PARD3: variants seen among roughly 807,000 people sequenced by gnomAD.
PARD3 encodes the protein partitioning defective 3 homolog.
A neutral mutation model predicts 155.4 loss-of-function variants in PARD3; 75 were observed. The ratio of observed to expected loss-of-function variants is 0.48; its 90% CI spans 0.40 to 0.58. The LOEUF (loss-of-function observed/expected upper bound fraction) is 0.58. PARD3 is among the 20% of genes least tolerant of loss of function. The pLI, the probability that PARD3 is intolerant of heterozygous loss-of-function variation, is 0.00. For missense variants in PARD3, 1,642 were observed against 1,721.7 expected, an observed-to-expected ratio of 0.95 and a Z score of 0.82; for synonymous variants, 576 against 610.5, an observed-to-expected ratio of 0.94 and a Z score of 0.83.
intron 1 of PARD3, among the ~76,000 whole-genome samples, chr10:34,715,329 C>T (rs2094504250): frequency 6.6e-6 from 1 of 152,108 alleles, no homozygotes; most frequent in Admixed American, 6.5e-5. Context: ...CCTCCTGCCT[C>T]GGATTCCCAA....
chr10:34,720,448 C>CCA (rs2094587192), intron 1 of PARD3, among the ~76,000 whole-genome samples: 2 of 56,872 alleles, frequency 3.5e-5, no homozygotes, highest in Non-Finnish European at 6.1e-5. Context: ...AAGGCTCTGT[C>CCA]AAAAAAAAAA....
intron 1 of PARD3, among the ~76,000 whole-genome samples, chr10:34,749,508 G>A (rs1256604086): frequency 2.0e-5 from 3 of 151,398 alleles, no homozygotes; most frequent in Admixed American, 1.3e-4. Flanking sequence ...ATTATAACCA[G>A]TTTAAAAAAC....
chr10:34,337,173 C>T, intron 17 of PARD3, 102 bp downstream of exon 17: 1 of 696,300 alleles, frequency 1.4e-6, no homozygotes, highest in Non-Finnish European at 2.1e-6. Context: ...CATTTATTTT[C>T]TCTATTGCTC....
intron 2 of PARD3, among the ~76,000 whole-genome samples, chr10:34,678,893 T>C (rs749599620): frequency 6.6e-6 from 1 of 151,930 alleles, no homozygotes; most frequent in Non-Finnish European, 1.5e-5. Context: ...GTGGCTCTCT[T>C]GAGGTTCAAT....
At chr10:34,132,558 G>A (rs1026088568) in intron 22 of PARD3, among the ~76,000 whole-genome samples, 16 of 152,190 alleles carry the variant, frequency 1.1e-4, no homozygotes, top group East Asian at 3.9e-4. Context: ...GAGTATTTTC[G>A]CCAAGAGTAA....
intron 22 of PARD3, among the ~76,000 whole-genome samples, chr10:34,176,306 C>T (rs139227591): frequency 0.017 from 2,522 of 152,084 alleles, 35 homozygotes; most frequent in Non-Finnish European, 0.025. Flanking sequence ...CAAGAGGATG[C>T]AAAAGGAGAG....
chr10:34,637,667 C>G (rs1340569682), intron 2 of PARD3, among the ~76,000 whole-genome samples: 1 of 152,228 alleles, frequency 6.6e-6, no homozygotes, highest in Non-Finnish European at 1.5e-5. Context: ...CGCTGCCCCC[C>G]AGTGGGCACT....
intron 22 of PARD3, among the ~76,000 whole-genome samples, chr10:34,177,966 T>C (rs1206803770): frequency 3.3e-5 from 5 of 152,252 alleles, no homozygotes; most frequent in African/African-American, 1.2e-4. Flanking sequence ...TTACTATCAC[T>C]GGTCCAGAGA....
rs1413177696 is a variant in PARD3 at position 34,116,800 on chromosome 10, T to C, written c.3668+2813A>G. Among the ~76,000 whole-genome samples the C allele has an allele frequency of 3.3e-5, 5 of 152,324 alleles. No homozygotes were observed. The East Asian group carries it at 9.6e-4, about 29-fold the overall frequency. ...GCTACAATTAACCCAGAGGGAAAGC[T>C]GTAGTTATTTAGGGCACCACTAAAT... On this transcript the variant is annotated intron_variant, in intron 24 of 24. Coordinates refer to ENST00000374788, the MANE Select transcript of PARD3 (RefSeq NM_001184785.2).
At chr10:34,405,589 GTGGT>G (rs1844379821) in intron 5 of PARD3, among the ~76,000 whole-genome samples, 1 of 152,166 alleles carries the variant, frequency 6.6e-6, no homozygotes, top group Non-Finnish European at 1.5e-5. Flanking sequence ...TTGTGGGGTG[GTGGT>G]TGAAGACATT....
chr10:34,438,894 G>A (rs1440470969), intron 5 of PARD3, among the ~76,000 whole-genome samples: 1 of 152,166 alleles, frequency 6.6e-6, no homozygotes, highest in Non-Finnish European at 1.5e-5. Flanking sequence ...GGAACCAAGT[G>A]TGTGAACTGT....
At chr10:34,759,715 A>T (rs567002649) in intron 1 of PARD3, among the ~76,000 whole-genome samples, 4 of 152,384 alleles carry the variant, frequency 2.6e-5, no homozygotes, top group African/African-American at 9.6e-5. Flanking sequence ...CAAGGATTTC[A>T]GCCAGCATAA....
intron 12 of PARD3, among the ~76,000 whole-genome samples, chr10:34,370,812 GTGT>G (rs2134619438): frequency 1.6e-5 from 1 of 62,842 alleles, no homozygotes; most frequent in South Asian, 3.3e-4. Context: ...AATGGGGTGT[GTGT>G]GTGTGTGTGT....
At chr10:34,336,465 T>A (rs984005564) in intron 17 of PARD3, 4 of 481,804 alleles carry the variant, frequency 8.3e-6, no homozygotes, top group Non-Finnish European at 1.1e-5. Flanking sequence ...ATGTGTGTTA[T>A]ATGTTAGCAT....
At chr10:34,557,489 G>A (rs1352686505) in intron 2 of PARD3, among the ~76,000 whole-genome samples, 1 of 150,644 alleles carries the variant, frequency 6.6e-6, no homozygotes, top group Admixed American at 6.6e-5. Context: ...TCGTTTTTTT[G>A]TTTTTTTGAG....
intron 5 of PARD3, among the ~76,000 whole-genome samples, chr10:34,423,436 T>C (rs563843849): frequency 2.6e-5 from 4 of 152,272 alleles, no homozygotes; most frequent in South Asian, 4.1e-4. Flanking sequence ...ACTGTATACT[T>C]GAAAACTGCT....
chr10:34,445,605 C>T (rs902109353), intron 5 of PARD3, among the ~76,000 whole-genome samples: 1 of 152,154 alleles, frequency 6.6e-6, no homozygotes, highest in African/African-American at 2.4e-5. Flanking sequence ...TTCTCAATGC[C>T]ATCCCTTTTG....
chr10:34,525,368 C>T (rs541661792), intron 2 of PARD3, among the ~76,000 whole-genome samples: 1 of 152,348 alleles, frequency 6.6e-6, no homozygotes, highest in Admixed American at 6.5e-5. Flanking sequence ...TTCCTACTGG[C>T]TAAGCCAAGA....
At chr10:34,593,645 A>C (rs948154056) in intron 2 of PARD3, among the ~76,000 whole-genome samples, 1 of 152,210 alleles carries the variant, frequency 6.6e-6, no homozygotes, top group African/African-American at 2.4e-5. Flanking sequence ...ATTTCCATCA[A>C]TGGACTTGAA....
Sources: gnomAD v4.1 joint callset for allele counts (sites outside exome capture counted in the v4.1 genomes callset) on GRCh38, gnomAD v4.1.1 for gene constraint, MANE v1.5 for transcripts, NCBI Gene and HGNC (gene_info 2026-07-23, HGNC 2026-07-21) for gene names.